The following CPNE7 variants were observed in gnomAD, a reference collection of about 807,000 sequenced individuals.
CPNE7 encodes copine 7, also known as copine-7.
A neutral mutation model predicts 66.5 loss-of-function variants in CPNE7; 78 were observed. The ratio of observed to expected loss-of-function variants is 1.17; its 90% CI spans 0.98 to 1.42. CPNE7 has a LOEUF of 1.42. Among genes scored for constraint, CPNE7 ranks in the 40% most tolerant of loss-of-function variants. The pLI is 0.00. For missense variants in CPNE7, 1,012 were observed against 776.6 expected (o/e 1.30, Z -3.60); for synonymous variants, 468 against 336.7 (o/e 1.39, Z -4.27).
Position 89,591,184 on chromosome 16 carries a change from G to T in CPNE7, c.1226G>T (p.Gly409Val), listed in dbSNP as rs1159330696. Residue 409 changes from glycine (G) to valine (V), a missense_variant, in exon 13 of 15, where the codon GGC (glycine) becomes GTC (valine). By Grantham distance (109) the Gly-to-Val change is moderately radical. Coordinates refer to ENST00000319518, the MANE Select transcript of CPNE7 (RefSeq NM_153636.3). The stretch of plus-strand genomic sequence containing the variant: ...TGCCTGCCCAGGGTCCAGCTCTACG[G>T]CCCCACCAACGTGGCGCCCATCATC... ...QNCLPRVQLY[G>V]PTNVAPIISK... is the part of the protein sequence containing the mutation. 3.1e-6 allele frequency: 5 copies of T among 1,602,292 alleles called. No individual in the cohort carries two copies. The African/African-American group carries it at 6.7e-5, about 21-fold the overall frequency.
At chr16:89,595,776 T>C in intron 14 of CPNE7, 173 bp downstream of exon 14, 1 of 726,492 alleles carries the variant, frequency 1.4e-6, no homozygotes, top group Admixed American at 2.0e-5. Flanking sequence ...AGCCAGGACT[T>C]TGAGCACCTG....
intron 13 of CPNE7, 124 bp downstream of exon 13, chr16:89,591,384 G>C: frequency 7.4e-7 from 1 of 1,345,008 alleles, no homozygotes; most frequent in South Asian, 1.5e-5. Context: ...AGGCAGGACA[G>C]AGCTCAGGAG....
Position 89,588,756 on chromosome 16 carries a change from G to A in CPNE7, c.1009G>A (p.Glu337Lys), listed in dbSNP as rs145462508. The A allele has an allele frequency of 4.6e-4, 740 of 1,613,622 alleles. No individual in the cohort carries two copies. The highest frequency in any genetic ancestry group is 5.9e-4 in the Non-Finnish European group (692 of 1,179,974). Residue 337 changes from glutamate (E) to lysine (K), a missense_variant, in exon 10 of 15, where the codon GAG becomes AAG. By Grantham distance (56) the Glu-to-Lys change is moderately conservative. Transcript: ENST00000319518. ...LHYINPYQPNEYLKALVSVGE... is the reference protein window; with the variant it reads ...LHYINPYQPNKYLKALVSVGE... ...CTACATCAACCCCTACCAGCCGAAC[G>A]AGTACCTGAAGGCACTGGTGTCCGT...
At chr16:89,585,435 C>T in intron 5 of CPNE7, 29 bp from the exon 6 acceptor site, 1 of 1,552,362 alleles carries the variant, frequency 6.4e-7, no homozygotes, top group Non-Finnish European at 8.9e-7. Flanking sequence ...CCCTGGGCCT[C>T]CCCTGAGCCA....
At chr16:89,582,324 T>C (rs2058968362) in intron 2 of CPNE7, among the ~76,000 whole-genome samples, 1 of 152,248 alleles carries the variant, frequency 6.6e-6, no homozygotes, top group Non-Finnish European at 1.5e-5. Flanking sequence ...GAAGTGCTTA[T>C]TAAACGCTGT....
intron 3 of CPNE7, 75 bp downstream of exon 3, chr16:89,583,846 G>T (rs897542705): frequency 5.8e-6 from 9 of 1,550,992 alleles, no homozygotes; most frequent in East Asian, 2.3e-5. Flanking sequence ...GGCGGAAGAT[G>T]GGCAGCAGCG....
chr16:89,590,476 G>C (rs2059150441), intron 11 of CPNE7, among the ~76,000 whole-genome samples: 5 of 152,046 alleles, frequency 3.3e-5, no homozygotes, highest in Admixed American at 2.6e-4. Context: ...ACTGAGCTGA[G>C]ATCGCACCAC....
chr16:89,587,930 C>T (rs867632010), intron 9 of CPNE7, among the ~76,000 whole-genome samples: 4 of 42,232 alleles, frequency 9.5e-5, no homozygotes, highest in East Asian at 6.2e-4. Context: ...ACCCGCGTGT[C>T]ACCCACAGAT....
At chr16:89,592,382 C>T (rs1021053922) in intron 13 of CPNE7, among the ~76,000 whole-genome samples, 2 of 151,486 alleles carry the variant, frequency 1.3e-5, no homozygotes, top group African/African-American at 4.9e-5. Context: ...AGGCCAACAG[C>T]TGCTCACACA....
chr16:89,586,311 CAGGGGTGGTGGGAGGTGGGGCCA>C (rs2059037423), intron 7 of CPNE7, among the ~76,000 whole-genome samples: 2 of 151,936 alleles, frequency 1.3e-5, no homozygotes, highest in African/African-American at 4.8e-5. Context: ...GGTCTGGGCA[CAGGGGTGGTGGGAGGTGGGGCCA>C]AGGGGTGCCC....
intron 6 of CPNE7, 60 bp from the exon 7 acceptor site, chr16:89,585,627 T>C: frequency 6.6e-7 from 1 of 1,507,040 alleles, no homozygotes; most frequent in Non-Finnish European, 9.1e-7. Flanking sequence ...ACACCTGGGC[T>C]CGGGTGGGAG....
chr16:89,591,062 G>C lies in CPNE7; in HGVS notation c.1168+4G>C, dbSNP rs1165881557. ...CCTGAGGACGATGAGTGTGAAGGTA[G>C]GAGCTCGAGGCAGGCCTGGGGAGGG... On this transcript the variant is annotated splice_donor_region_variant and intron_variant, in intron 12 of 14. Transcript: ENST00000319518. The C allele has an allele frequency of 6.2e-7, 1 of 1,613,580 alleles. No homozygotes were observed. The highest frequency in any genetic ancestry group is 1.1e-5 in the South Asian group (1 of 91,084).
chr16:89,587,657 C>A, intron 9 of CPNE7: 1 of 442,132 alleles, frequency 2.3e-6, no homozygotes, highest in Non-Finnish European at 4.6e-6. Context: ...GTGTCACCCC[C>A]ATGTCACCCG....
chr16:89,585,698 G>T lies in CPNE7; in HGVS notation c.693G>T (p.Trp231Cys), dbSNP rs1369202416. The change falls in exon 7 of 15, where the codon TGG (tryptophan) becomes TGT (cysteine). Residue 231 changes from tryptophan (W) to cysteine (C), a missense_variant. Trp to Cys is a radical substitution (Grantham distance 215). Transcript: ENST00000319518. ...ACTGGGCTCCCCAGTGCCTGGTCTG[G>T]GATTACGACTCTCGAGGAAAGCACG... is the stretch of plus-strand genomic sequence containing the variant. ...EETRPLKCLV[W>C]DYDSRGKHDF... 6.4e-7 allele frequency: 1 copy of T among 1,552,306 alleles called. No homozygotes were observed. The highest frequency in any genetic ancestry group is 2.4e-5 in the East Asian group (1 of 41,096).
At chr16:89,580,976 CCATCACA>C (rs2058947182) in intron 2 of CPNE7, among the ~76,000 whole-genome samples, 1 of 149,270 alleles carries the variant, frequency 6.7e-6, no homozygotes, top group Admixed American at 6.7e-5. Context: ...AACATCTCAC[CCATCACA>C]CGGAACATCC....
In CPNE7 at chr16:89,596,597, G is replaced by A. The variant is rs146854977; in HGVS notation, c.1653G>A (p.Glu551=). The A allele has an allele frequency of 9.3e-5, 149 of 1,605,374 alleles. 1 individual carries two copies. In the African/African-American group the frequency reaches 1.9e-3, roughly 21 times the overall value. ...PPRSLGVPAG[E]ASPGCTP ...GAAGCCTGGGTGTCCCTGCCGGAGAGGCCAGCCCAGGCTGCACACCGTGAA... is the reference window on the plus strand; with the variant it reads ...GAAGCCTGGGTGTCCCTGCCGGAGAAGCCAGCCCAGGCTGCACACCGTGAA... The change falls in exon 15 of 15, where the codon GAG becomes GAA. Residue 551 remains glutamate, a synonymous_variant. Coordinates refer to ENST00000319518, the MANE Select transcript of CPNE7 (RefSeq NM_153636.3).
At chr16:89,582,022 GCACA>G (rs1369245627) in intron 2 of CPNE7, among the ~76,000 whole-genome samples, 1 of 152,344 alleles carries the variant, frequency 6.6e-6, no homozygotes, top group South Asian at 2.1e-4. Context: ...GTTCACATAA[GCACA>G]CACACAGGGT....
In CPNE7 at chr16:89,577,606, A is replaced by G. The variant is rs1246715570; in HGVS notation, c.242A>G (p.Tyr81Cys). The G allele has an allele frequency of 1.9e-6, 3 of 1,560,576 alleles. No homozygotes were observed. Among genetic ancestry groups the G allele is most frequent in the Non-Finnish European group, 2.6e-6 (3 of 1,151,786 alleles). ...TTCTCCAAGGTCTTCACGGTGGACT[A>G]CTACTTCGAGGAGGTGCAGAGGCTG... ...PVFSKVFTVD[Y>C]YFEEVQRLRF... Residue 81 changes from tyrosine (Y) to cysteine (C), a missense_variant, in exon 2 of 15, where the codon TAC becomes TGC. Coordinates refer to ENST00000319518, the MANE Select transcript of CPNE7 (RefSeq NM_153636.3).
At chr16:89,591,079 T>A in intron 12 of CPNE7, 21 bp downstream of exon 12, 1 of 1,612,356 alleles carries the variant, frequency 6.2e-7, no homozygotes, top group Non-Finnish European at 8.5e-7. Flanking sequence ...GAGGCAGGCC[T>A]GGGGAGGGGA....
Sources: allele counts gnomAD v4.1 joint callset (sites outside exome capture counted in the v4.1 genomes callset), GRCh38; gene constraint gnomAD v4.1.1; transcripts MANE v1.5; gene names NCBI Gene and HGNC (gene_info 2026-07-23, HGNC 2026-07-21).